The following THSD7A variants were observed in gnomAD, a reference collection of about 807,000 sequenced individuals.
The protein encoded by THSD7A is thrombospondin type 1 domain containing 7A.
In THSD7A, 96 loss-of-function variants were observed where a neutral mutation model predicts 231.3. The ratio of observed to expected loss-of-function variants is 0.41; its 90% confidence interval spans 0.35 to 0.49. THSD7A has a LOEUF of 0.49. Among genes scored for constraint, THSD7A ranks in the 20% least tolerant of loss-of-function variants. THSD7A has a pLI of 0.05. For missense variants in THSD7A, 2,290 were observed against 2,070.2 expected, an observed-to-expected ratio of 1.11 and a Z score of -2.06; for synonymous variants, 940 against 743.3, an observed-to-expected ratio of 1.26 and a Z score of -4.30.
chr7:11,588,298 G>A (rs909744820), intron 4 of THSD7A, among the ~76,000 whole-genome samples: 2 of 152,116 alleles, frequency 1.3e-5, no homozygotes, highest in African/African-American at 4.8e-5. Flanking sequence ...TGCTCCCGGG[G>A]AGAAACTAAC....
intron 6 of THSD7A, among the ~76,000 whole-genome samples, chr7:11,526,702 C>CT (rs1788489615): frequency 6.6e-6 from 1 of 152,134 alleles, no homozygotes; most frequent in African/African-American, 2.4e-5. Context: ...TTCCCCCTTT[C>CT]CCCTCTCTTT....
At chr7:11,586,745 G>A (rs1483622908) in intron 4 of THSD7A, among the ~76,000 whole-genome samples, 2 of 151,860 alleles carry the variant, frequency 1.3e-5, no homozygotes, top group Non-Finnish European at 2.9e-5. Context: ...TTATTTCTTT[G>A]TTGAGCATGA....
intron 2 of THSD7A, among the ~76,000 whole-genome samples, chr7:11,596,448 AG>A (rs1780360843): frequency 6.6e-6 from 1 of 152,146 alleles, no homozygotes; most frequent in African/African-American, 2.4e-5. Context: ...TCGTTTCCCC[AG>A]GGCCAGAATG....
Position 11,636,153 on chromosome 7 carries a change from C to A in THSD7A, c.999G>T (p.Lys333Asn), listed in dbSNP as rs543375601. Residue 333 changes from lysine (K) to asparagine (N), a missense_variant, in exon 2 of 28, where the codon AAG becomes AAT. Transcript: ENST00000423059. The surrounding 1 kb of genome is among the most constrained non-coding windows in gnomAD (Gnocchi z 10.0). The stretch of plus-strand genomic sequence containing the variant: ...ACCTTAAATCAGCAGCTTTCCCCGT[C>A]TTGTTAATGCACATAACCTCTCTGG... ...YQTREVMCIN[K>N]TGKAADLSFC... The A allele has an allele frequency of 3.7e-6, 6 of 1,611,510 alleles. No individual in the cohort carries two copies. Among genetic ancestry groups the A allele is most frequent in the Non-Finnish European group, 5.1e-6 (6 of 1,178,864 alleles).
At chr7:11,536,877 C>G (rs1233847138) in intron 6 of THSD7A, among the ~76,000 whole-genome samples, 2 of 152,134 alleles carry the variant, frequency 1.3e-5, no homozygotes, top group Non-Finnish European at 2.9e-5. Context: ...CCGATTGTCC[C>G]ACTTACCTCT....
intron 13 of THSD7A, among the ~76,000 whole-genome samples, chr7:11,434,662 C>G (rs1472404096): frequency 6.6e-6 from 1 of 152,008 alleles, no homozygotes; most frequent in East Asian, 1.9e-4. Context: ...CAAAAAATCT[C>G]TTCTACTTAA....
chr7:11,635,483 C>T (rs115041672), intron 2 of THSD7A, among the ~76,000 whole-genome samples: 3 of 151,878 alleles, frequency 2.0e-5, no homozygotes, highest in African/African-American at 7.3e-5. Context: ...CATTATGTAC[C>T]CAAAGATAAT....
Position 11,627,621 on chromosome 7 carries a change from C to A in THSD7A, c.1022+8509G>T, listed in dbSNP as rs1172347357. ...TTTTGATAATAACAGGTGAACAGATCAGAATGGGAGATGTACATAAACTGA... is the reference window on the plus strand; with the variant it reads ...TTTTGATAATAACAGGTGAACAGATAAGAATGGGAGATGTACATAAACTGA... On this transcript the variant is annotated intron_variant, in intron 2 of 27. Coordinates refer to ENST00000423059, the MANE Select transcript of THSD7A (RefSeq NM_015204.3). Among the ~76,000 whole-genome samples, 9 of 152,018 alleles carry A rather than the reference C, an allele frequency of 5.9e-5. No individual in the cohort carries two copies. In the South Asian group the frequency reaches 6.2e-4, roughly 11 times the overall value.
intron 4 of THSD7A, among the ~76,000 whole-genome samples, chr7:11,564,402 G>C (rs2214587): frequency 6.6e-6 from 1 of 152,144 alleles, no homozygotes; most frequent in East Asian, 1.9e-4. Context: ...TGAATGCTGC[G>C]TGTCAGCAAG....
At chr7:11,642,265 T>G (rs915090281) in intron 1 of THSD7A, among the ~76,000 whole-genome samples, 1 of 152,056 alleles carries the variant, frequency 6.6e-6, no homozygotes, top group African/African-American at 2.4e-5. Flanking sequence ...GGTGGAGTGG[T>G]GTTTGGTTTT....
chr7:11,482,667 G>C (rs1786478618), intron 6 of THSD7A, among the ~76,000 whole-genome samples: 3 of 152,146 alleles, frequency 2.0e-5, no homozygotes, highest in Admixed American at 2.0e-4. Flanking sequence ...TTAGTTCCCT[G>C]TTGCTCTTAA....
chr7:11,541,528 A>C lies in THSD7A; in HGVS notation c.1713T>G (p.Pro571=), dbSNP rs752321258. The C allele has an allele frequency of 6.2e-7, 1 of 1,613,916 alleles. No homozygotes were observed. Among genetic ancestry groups the C allele is most frequent in the Non-Finnish European group, 8.5e-7 (1 of 1,179,870 alleles). ...TCACTGCTTTCCAGTCATAACAGGC[A>C]GGCTCTTCACAGGGAATGGCTTCCA... ...HLLEAIPCEE[P]ACYDWKAVRL... The change falls in exon 6 of 28, where the codon CCT becomes CCG. Residue 571 remains proline (P), a synonymous_variant. Transcript: ENST00000423059.
rs868586252 is a variant in THSD7A, at chr7:11,610,602, C to T, written c.1023-17100G>A. On this transcript the variant is annotated intron_variant, in intron 2 of 27. Transcript: ENST00000423059. Reference sequence around the variant, plus strand: ...AACACAATTTGCCCAGTTCTTTCTGCACTCAGAGAAATGGGAATGCTAAAT... The same window carrying T: ...AACACAATTTGCCCAGTTCTTTCTGTACTCAGAGAAATGGGAATGCTAAAT... Among the ~76,000 whole-genome samples the T allele has an allele frequency of 7.2e-5, 11 of 152,172 alleles. No individual in the cohort carries two copies. The South Asian group carries it at 1.2e-3, about 17-fold the overall frequency.
chr7:11,735,433 T>C (rs1386577062), intron 1 of THSD7A, among the ~76,000 whole-genome samples: 2 of 152,064 alleles, frequency 1.3e-5, no homozygotes, highest in Non-Finnish European at 2.9e-5. Context: ...CAAACTTTGC[T>C]TCATGCACAA....
intron 1 of THSD7A, among the ~76,000 whole-genome samples, chr7:11,729,059 A>G (rs943485685): frequency 1.3e-4 from 19 of 151,822 alleles, no homozygotes; most frequent in African/African-American, 4.6e-4. Flanking sequence ...AATGACTGAA[A>G]TGATATCTAG....
intron 1 of THSD7A, among the ~76,000 whole-genome samples, chr7:11,701,373 T>G (rs1205357078): frequency 6.6e-6 from 1 of 151,296 alleles, no homozygotes; most frequent in East Asian, 2.0e-4. Flanking sequence ...TGAAGCTCTT[T>G]GTAAATATGA....
At chr7:11,650,291 A>C (rs936031374) in intron 1 of THSD7A, among the ~76,000 whole-genome samples, 1 of 152,032 alleles carries the variant, frequency 6.6e-6, no homozygotes, top group African/African-American at 2.4e-5. Context: ...TATAATGTGG[A>C]CAACGTCTCC....
At chr7:11,759,927 T>C (rs1782801436) in intron 1 of THSD7A, among the ~76,000 whole-genome samples, 1 of 152,042 alleles carries the variant, frequency 6.6e-6, no homozygotes, top group Non-Finnish European at 1.5e-5. Context: ...AAACAGTACA[T>C]ATATGTGAGT....
chr7:11,481,839 C>T lies in THSD7A; in HGVS notation c.1966G>A (p.Glu656Lys). 6.2e-7 allele frequency: 1 copy of T among 1,613,742 alleles called. No individual in the cohort carries two copies. The highest frequency in any genetic ancestry group is 1.7e-5 in the Admixed American group (1 of 60,024). Residue 656 changes from glutamate to lysine, a missense_variant, in exon 7 of 28, where the codon GAA becomes AAA. Glu to Lys is a moderately conservative substitution (Grantham distance 56). Transcript: ENST00000423059. Reference sequence around the variant, plus strand: ...GATCGTGCTCGTATCTGTTTCCCTTCTGTCGTTTTCCCTGAGCAGGTGTGT... The same window carrying T: ...GATCGTGCTCGTATCTGTTTCCCTTTTGTCGTTTTCCCTGAGCAGGTGTGT... ...CSHTCSGKTTEGKQIRARSIL... is the reference protein window; with the variant it reads ...CSHTCSGKTTKGKQIRARSIL...
Sources: allele counts gnomAD v4.1 joint callset (sites outside exome capture counted in the v4.1 genomes callset), GRCh38; gene constraint gnomAD v4.1.1; non-coding constraint Gnocchi (gnomAD v3.1); transcripts MANE v1.5; gene names NCBI Gene and HGNC (gene_info 2026-07-23, HGNC 2026-07-21).